Variants in RP1 observed in about 807,000 individuals in gnomAD.
The protein encoded by RP1 is oxygen-regulated protein 1.
A neutral mutation model predicts 14.8 loss-of-function variants in RP1; 16 were observed. The ratio of observed to expected loss-of-function variants is 1.08; its 90% CI spans 0.73 to 1.65. The LOEUF (loss-of-function observed/expected upper bound fraction) is 1.65, where lower values mean the gene tolerates loss of function less well. Ranked by LOEUF, RP1 falls within the 40% of genes most tolerant of loss-of-function variation. The pLI is 0.00. For missense variants in RP1, 2,631 were observed against 2,535.0 expected (o/e 1.04, Z -0.81); for synonymous variants, 876 against 883.6 (o/e 0.99, Z 0.15).
At chr8:54,593,187 T>C (rs555325919) in intron 1 of RP1, among the ~76,000 whole-genome samples, 2 of 152,282 alleles carry the variant, frequency 1.3e-5, no homozygotes, top group East Asian at 1.9e-4. Flanking sequence ...CTGGCAAATA[T>C]GCGGTTTCAA....
chr8:54,714,939 G>C (rs1248360811), intron 15 of RP1, among the ~76,000 whole-genome samples: 3 of 152,234 alleles, frequency 2.0e-5, no homozygotes, highest in African/African-American at 7.2e-5. Context: ...GGAATAAATT[G>C]CTGAGTGATT....
intron 12 of RP1, among the ~76,000 whole-genome samples, chr8:54,682,331 G>A (rs1377226381): frequency 6.6e-6 from 1 of 151,420 alleles, no homozygotes; most frequent in Admixed American, 6.6e-5. Context: ...TTGGTGGTTT[G>A]CTGCACCTAT....
intron 22 of RP1, among the ~76,000 whole-genome samples, chr8:54,763,343 A>G (rs1809686694): frequency 6.6e-6 from 1 of 152,242 alleles, no homozygotes; most frequent in Non-Finnish European, 1.5e-5. Context: ...GTTGCCTTTC[A>G]TAACTCCTGG....
intron 12 of RP1, among the ~76,000 whole-genome samples, chr8:54,698,279 T>C (rs549210743): frequency 1.3e-5 from 2 of 152,276 alleles, no homozygotes; most frequent in South Asian, 4.1e-4. Flanking sequence ...AACAAACTTA[T>C]GAAAAAATGC....
chr8:54,737,928 T>G (rs909891364), intron 18 of RP1, among the ~76,000 whole-genome samples: 4 of 152,128 alleles, frequency 2.6e-5, no homozygotes. Flanking sequence ...GTGCCTGTAG[T>G]AGAAATAATA....
chr8:54,791,215 A>G (rs1450395921), intron 24 of RP1, among the ~76,000 whole-genome samples: 1 of 151,966 alleles, frequency 6.6e-6, no homozygotes, highest in Non-Finnish European at 1.5e-5. Flanking sequence ...AATACTAAAA[A>G]AAACCTGCCA....
At chr8:54,712,460 G>A (rs1432919485) in intron 15 of RP1, among the ~76,000 whole-genome samples, 1 of 152,170 alleles carries the variant, frequency 6.6e-6, no homozygotes, top group Non-Finnish European at 1.5e-5. Context: ...TCTCACACAT[G>A]CTGTCACTGA....
exon 1 of RP1, chr8:54,559,270 G>A (rs189368023): frequency 1.1e-3 from 165 of 152,268 alleles, no homozygotes; most frequent in African/African-American, 3.7e-3. Context: ...TCTTCATTAA[G>A]ATATTCTAGA....
intron 24 of RP1, among the ~76,000 whole-genome samples, chr8:54,793,383 A>T (rs1297474719): frequency 6.6e-6 from 1 of 151,964 alleles, no homozygotes; most frequent in East Asian, 1.9e-4. Flanking sequence ...AAGAAGAGAA[A>T]ATTACAGGAC....
intron 1 of RP1, among the ~76,000 whole-genome samples, chr8:54,608,726 A>G (rs1190852609): frequency 6.6e-6 from 1 of 152,220 alleles, no homozygotes; most frequent in African/African-American, 2.4e-5. Flanking sequence ...AGTCTTAAAT[A>G]TATTTGCTAT....
chr8:54,652,306 T>A (rs1206466641), intron 4 of RP1, among the ~76,000 whole-genome samples: 1 of 152,250 alleles, frequency 6.6e-6, no homozygotes, highest in Non-Finnish European at 1.5e-5. Context: ...TAATACTGAT[T>A]TCTGGATTCA....
chr8:54,696,630 C>A, intron 12 of RP1: 1 of 826,636 alleles, frequency 1.2e-6, no homozygotes, highest in Non-Finnish European at 2.0e-6. Context: ...AAACCTCATG[C>A]CTTAGAATTG....
chr8:54,582,883 C>T (rs541550511), intron 1 of RP1, among the ~76,000 whole-genome samples: 6 of 152,282 alleles, frequency 3.9e-5, no homozygotes, highest in Non-Finnish European at 7.4e-5. Flanking sequence ...TGCCTATCAG[C>T]TTAAGGAGAT....
At chr8:54,696,769 C>T (rs183882851) in intron 12 of RP1, 8 of 724,300 alleles carry the variant, frequency 1.1e-5, no homozygotes, top group Non-Finnish European at 2.0e-5. Context: ...TAAAAGTCAC[C>T]CCCCAGAACC....
chr8:54,865,687 T>G (rs902236429), intron 27 of RP1: 2 of 392,060 alleles, frequency 5.1e-6, no homozygotes, highest in African/African-American at 4.1e-5. Flanking sequence ...CATTTTCATT[T>G]CTCTACGGGC....
chr8:54,560,799 G>C (rs909217104), intron 1 of RP1: 1 of 151,862 alleles, frequency 6.6e-6, no homozygotes, highest in Non-Finnish European at 1.5e-5. Context: ...AGGTCTGACA[G>C]GCCTAGAGCT....
At chr8:54,633,735 C>CTATATATATATATA (rs1348966106), downstream of RP1, among the ~76,000 whole-genome samples, 2 of 126,462 alleles carry the variant, frequency 1.6e-5, no homozygotes, top group African/African-American at 6.3e-5. Context: ...CTCTCTCTCT[C>CTATATATATATATA]TCTATATATA....
chr8:54,776,437 C>A (rs1810040554), intron 23 of RP1, among the ~76,000 whole-genome samples: 2 of 152,226 alleles, frequency 1.3e-5, no homozygotes, highest in South Asian at 4.1e-4. Flanking sequence ...CCCACCTTGG[C>A]CTGCCAAAGC....
At chr8:54,814,482 A>T (rs886881523) in intron 24 of RP1, among the ~76,000 whole-genome samples, 5 of 152,220 alleles carry the variant, frequency 3.3e-5, no homozygotes, top group African/African-American at 4.8e-5. Flanking sequence ...GCCATAATGG[A>T]TAATCATTGG....
Sources: allele counts gnomAD v4.1 joint callset (sites outside exome capture counted in the v4.1 genomes callset), GRCh38; gene constraint gnomAD v4.1.1; transcripts MANE v1.5; gene names NCBI Gene and HGNC (gene_info 2026-07-23, HGNC 2026-07-21).